ANKFN1: variants seen among roughly 807,000 people sequenced by gnomAD.
ANKFN1 encodes the protein ankyrin repeat and fibronectin type-III domain-containing protein 1.
In ANKFN1, 74 loss-of-function variants were observed where a neutral mutation model predicts 108.7. That is an observed-to-expected ratio of 0.68 (90% CI 0.56 to 0.83). ANKFN1 has a LOEUF of 0.83. Ranked by LOEUF, ANKFN1 falls within the 40% of genes least tolerant of loss-of-function variation. The pLI is 0.00. For synonymous variants in ANKFN1, 547 were observed against 516.2 expected (o/e 1.06, Z -0.81); for missense variants, 1,505 against 1,382.3 (o/e 1.09, Z -1.41).
intron 4 of ANKFN1, among the ~76,000 whole-genome samples, chr17:56,122,037 G>A (rs888174506): frequency 2.6e-5 from 4 of 152,148 alleles, no homozygotes; most frequent in African/African-American, 9.7e-5. Flanking sequence ...GCACCTGCTA[G>A]CTGAAGATCA....
chr17:56,511,184 C>T lies in ANKFN1; in HGVS notation c.3356C>T (p.Thr1119Ile), dbSNP rs1332176517. The change falls in exon 21 of 21, where the codon ACC becomes ATC. Residue 1119 changes from threonine to isoleucine, a missense_variant. Thr to Ile is a moderately conservative substitution (Grantham distance 89). Transcript: ENST00000682825. ...SLSPPSGGRITLPSPTGPDVS... is the reference protein window; with the variant it reads ...SLSPPSGGRIILPSPTGPDVS... ...AGCCCGCCCTCTGGAGGCCGCATCACCCTGCCCAGCCCCACTGGCCCCGAT... is the reference window on the plus strand; with the variant it reads ...AGCCCGCCCTCTGGAGGCCGCATCATCCTGCCCAGCCCCACTGGCCCCGAT... The T allele has an allele frequency of 2.6e-6, 4 of 1,536,026 alleles. No homozygotes were observed. Among genetic ancestry groups the T allele is most frequent in the African/African-American group, 1.4e-5 (1 of 73,186 alleles).
intron 8 of ANKFN1, among the ~76,000 whole-genome samples, chr17:56,380,674 C>T (rs570652845): frequency 1.9e-4 from 29 of 152,348 alleles, no homozygotes; most frequent in South Asian, 6.2e-4. Context: ...CACGGAGTCT[C>T]GCTGATTGCT....
intron 20 of ANKFN1, among the ~76,000 whole-genome samples, chr17:56,507,566 T>C (rs954427450): frequency 6.6e-6 from 1 of 152,190 alleles, no homozygotes; most frequent in Non-Finnish European, 1.5e-5. Flanking sequence ...TGCTCTCAGT[T>C]CATCCCCTCC....
intron 4 of ANKFN1, among the ~76,000 whole-genome samples, chr17:56,102,462 T>C (rs1168772037): frequency 1.3e-5 from 2 of 152,198 alleles, no homozygotes; most frequent in Non-Finnish European, 2.9e-5. Context: ...ATTACATAAA[T>C]GGTTAAATGG....
At chr17:56,346,729 A>T (rs1210808876) in intron 4 of ANKFN1, among the ~76,000 whole-genome samples, 1 of 97,542 alleles carries the variant, frequency 1.0e-5, no homozygotes, top group Non-Finnish European at 2.2e-5. Context: ...CCATTGACGT[A>T]CTATTTTTTT....
chr17:56,286,650 C>T (rs1056238467), intron 3 of ANKFN1, among the ~76,000 whole-genome samples: 1 of 152,074 alleles, frequency 6.6e-6, no homozygotes, highest in Non-Finnish European at 1.5e-5. Context: ...GAGTCTGTAT[C>T]CTTTATATGA....
chr17:56,054,847 T>C (rs931286588), intron 4 of ANKFN1, among the ~76,000 whole-genome samples: 1 of 152,054 alleles, frequency 6.6e-6, no homozygotes, highest in Non-Finnish European at 1.5e-5. Flanking sequence ...GATCACACCA[T>C]TGCACTCCAG....
intron 3 of ANKFN1, among the ~76,000 whole-genome samples, chr17:56,320,584 T>C (rs2045335518): frequency 6.6e-6 from 1 of 152,120 alleles, no homozygotes; most frequent in Non-Finnish European, 1.5e-5. Flanking sequence ...CCTGGGCTCA[T>C]ACAGACAATA....
intron 3 of ANKFN1, among the ~76,000 whole-genome samples, chr17:56,242,133 A>G (rs1019959218): frequency 6.6e-6 from 1 of 152,166 alleles, no homozygotes. Context: ...GTAATTTTTC[A>G]TAGCTGATAG....
chr17:56,153,468 C>T (rs1598147971), upstream of ANKFN1: 2 of 1,613,232 alleles, frequency 1.2e-6, no homozygotes, highest in East Asian at 4.5e-5. Context: ...CCTCCACCCC[C>T]CAGGTCCTCT....
upstream of ANKFN1, among the ~76,000 whole-genome samples, chr17:56,152,228 T>A (rs1908680045): frequency 6.7e-6 from 1 of 150,144 alleles, no homozygotes; most frequent in African/African-American, 2.5e-5. Flanking sequence ...TATAAGAAGC[T>A]CACCATCTTG....
chr17:56,098,848 GGTGTGTGTGTGCGTGTGTGCAT>G (rs1905584738), intron 4 of ANKFN1, among the ~76,000 whole-genome samples: 1 of 138,240 alleles, frequency 7.2e-6, no homozygotes, highest in Admixed American at 7.4e-5. Flanking sequence ...AAGTCAGAGG[GGTGTGTGTGTGCGTGTGTGCAT>G]GTGTGTGTGT....
chr17:56,478,019 G>C (rs2050567024), intron 16 of ANKFN1, among the ~76,000 whole-genome samples: 1 of 152,130 alleles, frequency 6.6e-6, no homozygotes, highest in Admixed American at 6.5e-5. Flanking sequence ...TAGAGATGGG[G>C]TTTCACCATG....
At chr17:56,399,843 T>TTATATA (rs71139904) in intron 8 of ANKFN1, among the ~76,000 whole-genome samples, 268 of 64,784 alleles carry the variant, frequency 4.1e-3, no homozygotes, top group Non-Finnish European at 9.7e-3. Context: ...ATTCCATTTT[T>TTATATA]TATATATATA....
intron 4 of ANKFN1, among the ~76,000 whole-genome samples, chr17:56,072,606 T>A (rs1363226037): frequency 2.0e-5 from 3 of 152,254 alleles, no homozygotes; most frequent in African/African-American, 7.2e-5. Context: ...ATATACAACC[T>A]ACTTATATGA....
intron 1 of ANKFN1, among the ~76,000 whole-genome samples, chr17:56,158,605 A>C (rs1280281946): frequency 6.6e-6 from 1 of 152,236 alleles, no homozygotes; most frequent in East Asian, 1.9e-4. Context: ...GAAACTGCTG[A>C]AATGAATTGA....
At chr17:56,312,870 A>C (rs2045075636) in intron 3 of ANKFN1, among the ~76,000 whole-genome samples, 1 of 152,190 alleles carries the variant, frequency 6.6e-6, no homozygotes. Flanking sequence ...GAAAAACAAC[A>C]GTGGGGGCGG....
intron 1 of ANKFN1, among the ~76,000 whole-genome samples, chr17:56,177,863 A>C (rs1911318959): frequency 6.6e-6 from 1 of 152,058 alleles, no homozygotes. Context: ...ATTTATTTTA[A>C]TACATTATTA....
Position 56,303,175 on chromosome 17 carries a change from A to T in ANKFN1, c.54-23046A>T, listed in dbSNP as rs553861189. 1.2e-4 allele frequency among the ~76,000 whole-genome samples: 19 copies of T among 152,354 alleles called. 1 individual carries two copies. Among genetic ancestry groups the T allele is most frequent in the Admixed American group, 2.6e-4 (4 of 15,302 alleles). The stretch of plus-strand genomic sequence containing the variant: ...TTTGGACTTCATCCCTAGGGAATCT[A>T]AAAGCCAACAATTCCATTAGACTTG... On this transcript the variant is annotated intron_variant, in intron 3 of 20. Coordinates refer to ENST00000682825, the MANE Select transcript of ANKFN1 (RefSeq NM_001370326.1).
Sources: gnomAD v4.1 joint callset for allele counts (sites outside exome capture counted in the v4.1 genomes callset) on GRCh38, gnomAD v4.1.1 for gene constraint, MANE v1.5 for transcripts, NCBI Gene and HGNC (gene_info 2026-07-23, HGNC 2026-07-21) for gene names.